ROCK1: variants seen among roughly 807,000 people sequenced by gnomAD.
ROCK1 encodes the protein rho-associated protein kinase 1.
Under a neutral mutation model 196.8 loss-of-function variants are expected in ROCK1, and 36 were observed. The ratio of observed to expected loss-of-function variants is 0.18; its 90% CI spans 0.14 to 0.24. ROCK1 has a LOEUF of 0.24. Among genes scored for constraint, ROCK1 ranks in the 10% least tolerant of loss-of-function variants. The pLI, the probability that ROCK1 is intolerant of heterozygous loss-of-function variation, is 1.00. For missense variants in ROCK1, 920 were observed against 1,562.0 expected (o/e 0.59, Z 6.93); for synonymous variants, 443 against 515.9 (o/e 0.86, Z 1.91).
chr18:21,030,574 G>A (rs557728341), intron 9 of ROCK1, among the ~76,000 whole-genome samples: 36 of 152,092 alleles, frequency 2.4e-4, no homozygotes, highest in Non-Finnish European at 4.6e-4. Context: ...GTTCTAAAAT[G>A]ACAAATTCTC....
chr18:20,995,496 C>G (rs1177944600), intron 16 of ROCK1, among the ~76,000 whole-genome samples: 2 of 152,140 alleles, frequency 1.3e-5, no homozygotes, highest in African/African-American at 4.8e-5. Flanking sequence ...TGGGGGTCCC[C>G]AATTCCAGGT....
At chr18:20,985,615 T>G (rs1180711178) in intron 19 of ROCK1, among the ~76,000 whole-genome samples, 2 of 152,222 alleles carry the variant, frequency 1.3e-5, no homozygotes, top group African/African-American at 4.8e-5. Context: ...TCCAACACAG[T>G]CAGGACCATA....
Position 20,987,812 on chromosome 18 carries a change from C to G in ROCK1, c.2144-702G>C, listed in dbSNP as rs555508576. Among the ~76,000 whole-genome samples the G allele has an allele frequency of 4.8e-4, 73 of 152,196 alleles. No individual in the cohort carries two copies. The South Asian group carries it at 0.014, about 30-fold the overall frequency. ...ATAAACTATTCCTTATCTTTCCCCC[C>G]AAACTTACAAACTTAGCTGCACCAA... is the stretch of plus-strand genomic sequence containing the variant. On this transcript the variant is annotated intron_variant, in intron 18 of 32. Coordinates refer to ENST00000399799, the MANE Select transcript of ROCK1 (RefSeq NM_005406.3).
chr18:21,015,676 A>G (rs2035856275), intron 12 of ROCK1, among the ~76,000 whole-genome samples, 197 bp from the exon 13 acceptor site: 1 of 152,110 alleles, frequency 6.6e-6, no homozygotes, highest in Non-Finnish European at 1.5e-5. Context: ...ATATATGATT[A>G]AAAGAGACAA....
In ROCK1 at chr18:21,111,121, C is replaced by T; in HGVS notation, c.-211G>A. On this transcript the variant is annotated 5_prime_UTR_variant, in exon 1 of 33. Transcript: ENST00000399799. This position sits in a 1 kb window ranked among gnomAD's most constrained non-coding sequence, Gnocchi z 4.2. ...GGGGCAACAGCGACCCACAGCCGCT[C>T]GGACGCCCAAAGTCGCATCCCACCC... The T allele has an allele frequency of 1.7e-6, 1 of 575,934 alleles. No homozygotes were observed. Among genetic ancestry groups the T allele is most frequent in the Non-Finnish European group, 3.1e-6 (1 of 325,806 alleles). The allele number at this position is 575,934 out of a possible 1,614,324, so 35.7% of individuals were successfully genotyped here. A position where few individuals can be genotyped will look rare whatever the true frequency, so the allele number is the denominator to read the frequency against.
At chr18:21,018,239 A>AT (rs1167829026) in intron 12 of ROCK1, among the ~76,000 whole-genome samples, 1 of 151,396 alleles carries the variant, frequency 6.6e-6, no homozygotes, top group Non-Finnish European at 1.5e-5. Flanking sequence ...TTGTTTAAAA[A>AT]TTTTTTTGGG....
intron 1 of ROCK1, among the ~76,000 whole-genome samples, chr18:21,094,507 G>C (rs2036596394): frequency 6.6e-6 from 1 of 152,090 alleles, no homozygotes; most frequent in African/African-American, 2.4e-5. Context: ...CCAGCACTTT[G>C]GGAGGAGGAT....
At chr18:20,952,819 T>C (rs1458423476) in intron 32 of ROCK1, among the ~76,000 whole-genome samples, 2 of 151,380 alleles carry the variant, frequency 1.3e-5, no homozygotes, top group South Asian at 2.1e-4. Context: ...TCACATCCTT[T>C]GAAGGGACAT....
intron 9 of ROCK1, among the ~76,000 whole-genome samples, chr18:21,036,795 T>C (rs965346150): frequency 6.6e-6 from 1 of 152,164 alleles, no homozygotes; most frequent in Admixed American, 6.5e-5. Context: ...AATATTAATA[T>C]GTTAAATATG....
In ROCK1 at chr18:20,959,115, T is replaced by A. The variant is rs955145661; in HGVS notation, c.3512+725A>T. On this transcript the variant is annotated intron_variant, in intron 29 of 32. Transcript: ENST00000399799. ...TATAATATATATATTATATATATAT[T>A]ATATAATATATATATTATATATATT... Among the ~76,000 whole-genome samples, 3 of 51,582 alleles carry A rather than the reference T, an allele frequency of 5.8e-5. 1 individual carries two copies. The highest frequency in any genetic ancestry group is 3.9e-4 in the African/African-American group (3 of 7,714). The allele number at this position is 51,582 out of a possible 152,430, so 33.8% of individuals were successfully genotyped here. A position where few individuals can be genotyped will look rare whatever the true frequency, so the allele number is the denominator to read the frequency against.
chr18:21,006,281 T>G lies in ROCK1; in HGVS notation c.1885+70A>C. On this transcript the variant is annotated intron_variant, in intron 16 of 32. Transcript: ENST00000399799. ...ATTTAATCCCACTGAACTGTATATA[T>G]AAAAATGGTTAAAATGTTATAATAA... The G allele has an allele frequency of 3.2e-6, 4 of 1,242,096 alleles. No individual in the cohort carries two copies. The South Asian group carries it at 4.3e-5, about 13-fold the overall frequency. The allele number at this position is 1,242,096 out of a possible 1,614,324, so 76.9% of individuals were successfully genotyped here.
At chr18:21,086,041 T>C (rs917224645) in intron 1 of ROCK1, among the ~76,000 whole-genome samples, 1 of 152,152 alleles carries the variant, frequency 6.6e-6, no homozygotes, top group African/African-American at 2.4e-5. Flanking sequence ...CTTTTAAGTA[T>C]CTAATTTGTT....
chr18:21,000,344 C>T (rs920855836), intron 16 of ROCK1, among the ~76,000 whole-genome samples: 3 of 151,930 alleles, frequency 2.0e-5, no homozygotes, highest in Non-Finnish European at 2.9e-5. Context: ...CTCACTGCAA[C>T]CGCTGCCTCC....
chr18:20,977,606 T>C (rs993738002), intron 22 of ROCK1, among the ~76,000 whole-genome samples: 6 of 152,226 alleles, frequency 3.9e-5, no homozygotes, highest in African/African-American at 1.4e-4. Flanking sequence ...AATAATTGGA[T>C]AGCTGCACAA....
At chr18:21,072,577 C>G (rs2036394825) in intron 1 of ROCK1, among the ~76,000 whole-genome samples, 1 of 152,140 alleles carries the variant, frequency 6.6e-6, no homozygotes, top group Admixed American at 6.5e-5. Context: ...GACTTCCACA[C>G]TTCCTAAAAG....
chr18:20,973,380 C>T (rs1283224502), intron 22 of ROCK1, among the ~76,000 whole-genome samples: 3 of 151,982 alleles, frequency 2.0e-5, no homozygotes, highest in Non-Finnish European at 4.4e-5. Context: ...CAGGTTCAAG[C>T]GATTCTCCTG....
rs777397893 is a variant in ROCK1 at position 20,969,134 on chromosome 18, T to C, written c.2895A>G (p.Lys965=). The change falls in exon 24 of 33, where the codon AAA becomes AAG. Residue 965 remains lysine, a synonymous_variant. Coordinates refer to ENST00000399799, the MANE Select transcript of ROCK1 (RefSeq NM_005406.3). Reference sequence around the variant, plus strand: ...ACATACCTTCCTCTGCCTTCTTCATTTTCTCTGTTAGCTCTTCATTCTCTC... The same window carrying C: ...ACATACCTTCCTCTGCCTTCTTCATCTTCTCTGTTAGCTCTTCATTCTCTC... ...LRRENEELTE[K]MKKAEEEYKL... is the part of the protein sequence containing the mutation. 6.3e-6 allele frequency: 10 copies of C among 1,597,500 alleles called. No individual in the cohort carries two copies. Among genetic ancestry groups the C allele is most frequent in the Non-Finnish European group, 8.5e-6 (10 of 1,172,528 alleles).
At chr18:21,009,276 G>C (rs1457973297) in intron 13 of ROCK1, among the ~76,000 whole-genome samples, 1 of 146,352 alleles carries the variant, frequency 6.8e-6, no homozygotes, top group East Asian at 2.0e-4. Flanking sequence ...GCCTCCCAAA[G>C]TGCTGGGATT....
rs2035158424 is a variant in ROCK1, at chr18:20,949,203, T to C, written c.*2181A>G. On this transcript the variant is annotated 3_prime_UTR_variant, in exon 33 of 33. Transcript: ENST00000399799. ...TAGAATTAACTCTGTTCTCTGCAACTGGACCTTAAAATATTAGGTAATGGT... is the reference window on the plus strand; with the variant it reads ...TAGAATTAACTCTGTTCTCTGCAACCGGACCTTAAAATATTAGGTAATGGT... 1 of 152,124 alleles carries C rather than the reference T, an allele frequency of 6.6e-6. No homozygotes were observed. The highest frequency in any genetic ancestry group is 2.1e-4 in the South Asian group (1 of 4,830). The allele number at this position is 152,124 out of a possible 1,614,324, so 9.4% of individuals were successfully genotyped here. A position where few individuals can be genotyped will look rare whatever the true frequency, so the allele number is the denominator to read the frequency against.
Sources: gnomAD v4.1 joint callset for allele counts (sites outside exome capture counted in the v4.1 genomes callset) on GRCh38, gnomAD v4.1.1 for gene constraint, Gnocchi (gnomAD v3.1) non-coding constraint, MANE v1.5 for transcripts, NCBI Gene and HGNC (gene_info 2026-07-23, HGNC 2026-07-21) for gene names.